Variants in TSPAN1 observed in about 807,000 individuals in gnomAD.
TSPAN1 encodes the protein tetraspanin-1.
In TSPAN1, 23 loss-of-function variants were observed where a neutral mutation model predicts 26.9. That is an observed-to-expected ratio of 0.85 (90% confidence interval 0.62 to 1.21). TSPAN1 has a LOEUF of 1.21. TSPAN1 is among the 50% of genes most tolerant of loss of function. The probability of loss-of-function intolerance (pLI) is 0.00; values close to 1 mark genes in which losing one functional copy is unlikely to be tolerated. For synonymous variants in TSPAN1, 115 were observed against 114.8 expected, an observed-to-expected ratio of 1.00 and a Z score of -0.01; for missense variants, 283 against 298.4, an observed-to-expected ratio of 0.95 and a Z score of 0.38.
chr1:46,185,317 A>T lies in TSPAN1; in HGVS notation c.678+9A>T. 1 of 1,613,934 alleles carries T rather than the reference A, an allele frequency of 6.2e-7. No individual in the cohort carries two copies. The highest frequency in any genetic ancestry group is 2.2e-5 in the East Asian group (1 of 44,882). ...GAATTGGGGGCCTCGAGGTAAGCAGATGAGGAGGCTGGGACTGGGACATGG... is the reference window on the plus strand; with the variant it reads ...GAATTGGGGGCCTCGAGGTAAGCAGTTGAGGAGGCTGGGACTGGGACATGG... On this transcript the variant is annotated intron_variant, in intron 8 of 8. Transcript: ENST00000372003.
chr1:46,189,666 C>G (rs933969633), downstream of TSPAN1: 1 of 1,552,634 alleles, frequency 6.4e-7, no homozygotes, highest in Non-Finnish European at 8.7e-7. Flanking sequence ...CCTCAGAAAC[C>G]ACCTCAATTT....
the TSPAN1 span, chr1:46,194,168 T>C: frequency 6.3e-7 from 1 of 1,599,580 alleles, no homozygotes; most frequent in Non-Finnish European, 8.5e-7. Context: ...CTGCCCCTGG[T>C]TCTCTCCCAG....
intron 1 of TSPAN1, chr1:46,176,590 G>A (rs1657175680): frequency 7.9e-7 from 1 of 1,261,040 alleles, no homozygotes; most frequent in South Asian, 1.6e-5. Flanking sequence ...CGTGGGCCCT[G>A]GCCCCTCCTC....
the TSPAN1 span, chr1:46,194,652 C>T: frequency 1.2e-6 from 2 of 1,614,256 alleles, no homozygotes; most frequent in Non-Finnish European, 1.7e-6. Flanking sequence ...AAGACAGGAC[C>T]TGGCAGGAGG....
chr1:46,195,065 T>C, the TSPAN1 span: 9 of 984,308 alleles, frequency 9.1e-6, no homozygotes, highest in Non-Finnish European at 1.3e-5. Context: ...AATAGCTCAT[T>C]ACATTATTGC....
In TSPAN1 at chr1:46,184,629, G is replaced by A. The variant is rs1424441421; in HGVS notation, c.300G>A (p.Glu100=). ...TCCTCCTCCTCATCTTCATTGCTGA[G>A]GTTGCAGCTGCTGTGGTCGCCTTGG... ...FFILLLIFIA[E]VAAAVVALVY... The change falls in exon 5 of 9, where the codon GAG becomes GAA. Residue 100 remains glutamate (E), a synonymous_variant. Coordinates refer to ENST00000372003, the MANE Select transcript of TSPAN1 (RefSeq NM_005727.4). The A allele has an allele frequency of 1.2e-6, 2 of 1,614,202 alleles. No individual in the cohort carries two copies. The highest frequency in any genetic ancestry group is 2.2e-5 in the East Asian group (1 of 44,872).
the TSPAN1 span, chr1:46,193,231 G>T: frequency 6.2e-7 from 1 of 1,614,140 alleles, no homozygotes; most frequent in Non-Finnish European, 8.5e-7. Context: ...AGTGGGGTGG[G>T]AATAGGGCAC....
At chr1:46,194,858 A>G in the TSPAN1 span, 1 of 1,613,980 alleles carries the variant, frequency 6.2e-7, no homozygotes, top group East Asian at 2.2e-5. Context: ...TTTTCGTCCC[A>G]CGAAGGCCCA....
At chr1:46,195,774 A>G in the TSPAN1 span, 1 of 1,539,124 alleles carries the variant, frequency 6.5e-7, no homozygotes, top group Non-Finnish European at 8.8e-7. Context: ...GGTTGGAGCT[A>G]GGGAGTAGGG....
rs1223882699 is a variant in TSPAN1, at chr1:46,184,201, C to T, written c.68C>T (p.Ala23Val). 3.7e-6 allele frequency: 6 copies of T among 1,614,208 alleles called. No individual in the cohort carries two copies. The highest frequency in any genetic ancestry group is 5.1e-6 in the Non-Finnish European group (6 of 1,180,040). The change falls in exon 4 of 9, where the codon GCA becomes GTA. Residue 23 changes from alanine (A) to valine (V), a missense_variant. Coordinates refer to ENST00000372003, the MANE Select transcript of TSPAN1 (RefSeq NM_005727.4). ...CCTCTCTCTCCCCAGCTGTGTGGTG[C>T]AGCCCTGTTGGCAGTGGGCATCTGG... ...LFNLLIFLCG[A>V]ALLAVGIWVS...
the TSPAN1 span, chr1:46,192,977 A>T: frequency 6.2e-7 from 1 of 1,613,698 alleles, no homozygotes; most frequent in Non-Finnish European, 8.5e-7. Flanking sequence ...GGAATGGGAC[A>T]TCATGGTCCC....
intron 1 of TSPAN1, among the ~76,000 whole-genome samples, chr1:46,178,323 T>C (rs1301330741): frequency 2.6e-5 from 4 of 151,608 alleles, no homozygotes; most frequent in East Asian, 3.9e-4. Flanking sequence ...CGCCACTGCA[T>C]TCCAGCCTGG....
the TSPAN1 span, chr1:46,194,598 C>G: frequency 1.2e-5 from 20 of 1,614,170 alleles, no homozygotes; most frequent in Middle Eastern, 4.9e-4. Flanking sequence ...AGGACTGGGT[C>G]CCCCCAGGAA....
At chr1:46,193,006 T>C in the TSPAN1 span, 2 of 1,610,506 alleles carry the variant, frequency 1.2e-6, no homozygotes, top group Non-Finnish European at 1.7e-6. Context: ...CTCTCCATCC[T>C]GTGATCTCCT....
the TSPAN1 span, chr1:46,192,080 TC>T: frequency 1.9e-6 from 3 of 1,611,246 alleles, no homozygotes; most frequent in Non-Finnish European, 1.7e-6. Context: ...TGTGCCCTGC[TC>T]CCTGCCTCCC....
At chr1:46,178,054 C>G (rs939686005) in intron 1 of TSPAN1, among the ~76,000 whole-genome samples, 3 of 152,154 alleles carry the variant, frequency 2.0e-5, no homozygotes, top group African/African-American at 7.2e-5. Flanking sequence ...CCCAATTCTT[C>G]CTGAGAATGA....
intron 3 of TSPAN1, 29 bp downstream of exon 3, chr1:46,181,193 G>A (rs1390687003): frequency 6.2e-7 from 1 of 1,604,122 alleles, no homozygotes. Context: ...GACTCTTTGG[G>A]GCTCCCTATA....
intron 3 of TSPAN1, chr1:46,183,569 C>G (rs1391948307): frequency 6.1e-6 from 1 of 164,246 alleles, no homozygotes; most frequent in Non-Finnish European, 1.4e-5. Flanking sequence ...TTAAGAGAAG[C>G]TCTGGCTGTA....
the TSPAN1 span, chr1:46,191,856 G>A: frequency 6.5e-6 from 3 of 462,848 alleles, no homozygotes; most frequent in Admixed American, 3.2e-5. Context: ...GGATGGTCTC[G>A]ATCTCCTGAC....
Sources: gnomAD v4.1 joint callset for allele counts (sites outside exome capture counted in the v4.1 genomes callset) on GRCh38, gnomAD v4.1.1 for gene constraint, MANE v1.5 for transcripts, NCBI Gene and HGNC (gene_info 2026-07-23, HGNC 2026-07-21) for gene names.